The following TMTC3 variants were observed in gnomAD, a reference collection of about 807,000 sequenced individuals.
TMTC3 encodes transmembrane O-mannosyltransferase targeting cadherins 3.
Under a neutral mutation model 92.2 loss-of-function variants are expected in TMTC3, and 52 were observed. The observed-to-expected ratio is 0.56, with a 90% CI of 0.45 to 0.71. The LOEUF (loss-of-function observed/expected upper bound fraction) is 0.71, where lower values mean the gene tolerates loss of function less well. Among genes scored for constraint, TMTC3 ranks in the 30% least tolerant of loss-of-function variants. The pLI, the probability that TMTC3 is intolerant of heterozygous loss-of-function variation, is 0.00. For missense variants in TMTC3, 896 were observed against 1,057.1 expected (o/e 0.85, Z 2.11); for synonymous variants, 339 against 363.3 (o/e 0.93, Z 0.76).
chr12:88,190,707 A>G (rs2041433109), intron 12 of TMTC3, 85 bp downstream of exon 12: 1 of 1,388,916 alleles, frequency 7.2e-7, no homozygotes. Context: ...GTTTTTTTTG[A>G]AAAAAAATTA....
intron 2 of TMTC3, among the ~76,000 whole-genome samples, chr12:88,152,082 A>G (rs76239047): frequency 0.012 from 1,881 of 152,326 alleles, 51 homozygotes; most frequent in African/African-American, 0.043. Context: ...AAGAGCAAAG[A>G]AGCTGAATAT....
In TMTC3 at chr12:88,172,677, A is replaced by G. The variant is rs747120885; in HGVS notation, c.1131A>G (p.Val377=). 2 of 1,599,746 alleles carry G rather than the reference A, an allele frequency of 1.3e-6. No homozygotes were observed. Among genetic ancestry groups the G allele is most frequent in the Non-Finnish European group, 1.7e-6 (2 of 1,173,952 alleles). ...FPVGFVVAER[V]LYVPSMGFCI... ...TTGGATTTGTTGTTGCCGAGCGAGT[A>G]TTATATGTTCCCAGCATGGGGTTCT... The change falls in exon 8 of 14, where the codon GTA becomes GTG. Residue 377 remains valine (V), a synonymous_variant. Coordinates refer to ENST00000266712, the MANE Select transcript of TMTC3 (RefSeq NM_181783.4).
intron 3 of TMTC3, 57 bp downstream of exon 3, chr12:88,153,566 A>G (rs2040969858): frequency 1.0e-5 from 10 of 1,002,648 alleles, no homozygotes; most frequent in Admixed American, 6.8e-5. Flanking sequence ...AATCCTGCAC[A>G]GTGATTATAA....
chr12:88,173,137 CTG>C, intron 8 of TMTC3: 2 of 1,169,248 alleles, frequency 1.7e-6, no homozygotes, highest in Non-Finnish European at 2.2e-6. Context: ...AGTAAGCAAT[CTG>C]TAATTTCTTG....
At chr12:88,192,459 G>A (rs1311248900) in intron 12 of TMTC3, 145 bp from the exon 13 acceptor site, 1 of 587,390 alleles carries the variant, frequency 1.7e-6, no homozygotes, top group Non-Finnish European at 3.1e-6. Flanking sequence ...GTTTCAAAGA[G>A]TTGTTTTCGA....
At chr12:88,171,579 C>T (rs2041205380) in intron 7 of TMTC3, among the ~76,000 whole-genome samples, 1 of 152,106 alleles carries the variant, frequency 6.6e-6, no homozygotes, top group African/African-American at 2.4e-5. Flanking sequence ...ATATGTACCA[C>T]ATTTTTTTCA....
chr12:88,185,698 G>A (rs1435045813), intron 10 of TMTC3, among the ~76,000 whole-genome samples: 3 of 152,072 alleles, frequency 2.0e-5, no homozygotes, highest in South Asian at 4.1e-4. Flanking sequence ...CAGCAGTATA[G>A]GAGAGCTCTC....
rs780251215 is a variant in TMTC3, at chr12:88,195,564, CAA to C, written c.2663_2664del (p.Lys888ArgfsTer6). On this transcript the variant is annotated frameshift_variant, in exon 14 of 14. Coordinates refer to ENST00000266712, the MANE Select transcript of TMTC3 (RefSeq NM_181783.4). LOFTEE classifies it high-confidence loss of function. ...GACGAAGAGACACCCCACAAAACAA[CAA>C]AAGACATCAAAGAAATTGAGAAGAA... is the stretch of plus-strand genomic sequence containing the variant. 4 of 1,611,646 alleles carry C rather than the reference CAA, an allele frequency of 2.5e-6. No homozygotes were observed. In the African/African-American group the frequency reaches 5.4e-5, roughly 22 times the overall value.
At position 88,181,046 on chromosome 12, in the gene TMTC3, TC is replaced by T. The variant is rs1413817368; in HGVS notation, c.1432+4729del. Among the ~76,000 whole-genome samples, 5 of 152,332 alleles carry T rather than the reference TC, an allele frequency of 3.3e-5. No individual in the cohort carries two copies. The East Asian group carries it at 5.8e-4, about 18-fold the overall frequency. On this transcript the variant is annotated intron_variant, in intron 10 of 13. Transcript: ENST00000266712. ...AGTGGACACGTTCTACTATGGCCTG[TC>T]CTTGAGGTTATAAGGGATACCTGTG... is the stretch of plus-strand genomic sequence containing the variant.
intron 3 of TMTC3, among the ~76,000 whole-genome samples, chr12:88,153,917 G>A (rs754549966): frequency 6.6e-6 from 1 of 151,770 alleles, no homozygotes; most frequent in Admixed American, 6.6e-5. Context: ...TGTATATTAA[G>A]AACATTCGTA....
intron 6 of TMTC3, among the ~76,000 whole-genome samples, chr12:88,161,808 A>G (rs2041083054): frequency 6.6e-6 from 1 of 151,058 alleles, no homozygotes; most frequent in South Asian, 2.1e-4. Context: ...TATATATAAA[A>G]TAAAAATATC....
chr12:88,161,724 G>A (rs1006154561), intron 6 of TMTC3, among the ~76,000 whole-genome samples: 2 of 150,596 alleles, frequency 1.3e-5, no homozygotes, highest in African/African-American at 4.9e-5. Flanking sequence ...TGTTGTTTTA[G>A]TGTTGCTTTA....
Position 88,176,239 on chromosome 12 carries a change from A to G in TMTC3, c.1352A>G (p.Asn451Ser), listed in dbSNP as rs1429692081. The change falls in exon 10 of 14, where the codon AAT becomes AGT. Residue 451 changes from asparagine to serine, a missense_variant. Transcript: ENST00000266712. The part of the protein sequence containing the change: ...VNKNNAKLWN[N>S]VGHALENEKN... Reference sequence around the variant, plus strand: ...AAAAATAATGCCAAACTTTGGAATAATGTGGGTCATGCTCTGGAAAATGAA... The same window carrying G: ...AAAAATAATGCCAAACTTTGGAATAGTGTGGGTCATGCTCTGGAAAATGAA... The G allele has an allele frequency of 6.2e-7, 1 of 1,611,878 alleles. No individual in the cohort carries two copies. The highest frequency in any genetic ancestry group is 2.2e-5 in the East Asian group (1 of 44,702).
In TMTC3 at chr12:88,198,993, T is replaced by TAA. The variant is rs2041549296; in HGVS notation, c.*3345_*3346dup. 1 of 152,126 alleles carries TAA rather than the reference T, an allele frequency of 6.6e-6. No individual in the cohort carries two copies. Among genetic ancestry groups the TAA allele is most frequent in the African/African-American group, 2.4e-5 (1 of 41,460 alleles). The allele number at this position is 152,126 out of a possible 1,614,324, so 9.4% of individuals were successfully genotyped here. Reference sequence around the variant, plus strand: ...CTATGGTATCTGTGTACCATATTTCTAAGTATTCATTATTAAATTGGTACT... The same window carrying TAA: ...CTATGGTATCTGTGTACCATATTTCTAAAAGTATTCATTATTAAATTGGTACT... On this transcript the variant is annotated 3_prime_UTR_variant, in exon 14 of 14. Transcript: ENST00000266712.
At chr12:88,150,075 CT>C (rs1295873178) in intron 2 of TMTC3, among the ~76,000 whole-genome samples, 1 of 152,050 alleles carries the variant, frequency 6.6e-6, no homozygotes, top group East Asian at 1.9e-4. Flanking sequence ...GAAGAAATAC[CT>C]GAGACAGGGT....
At chr12:88,149,688 C>G (rs775243751) in intron 2 of TMTC3, among the ~76,000 whole-genome samples, 1 of 152,158 alleles carries the variant, frequency 6.6e-6, no homozygotes, top group Non-Finnish European at 1.5e-5. Flanking sequence ...TTTCCCCATT[C>G]CCCAAATTTG....
chr12:88,190,817 C>A (rs772690976), intron 12 of TMTC3, among the ~76,000 whole-genome samples, 195 bp downstream of exon 12: 8 of 152,020 alleles, frequency 5.3e-5, no homozygotes, highest in Non-Finnish European at 8.8e-5. Flanking sequence ...AAGGGGAATC[C>A]CTAACTTGTA....
intron 1 of TMTC3, among the ~76,000 whole-genome samples, chr12:88,143,928 C>T (rs948326186): frequency 2.0e-5 from 3 of 152,126 alleles, no homozygotes; most frequent in Admixed American, 1.3e-4. Context: ...GAGTGTTCCT[C>T]CCCTTTTTAG....
rs773881184 is a variant in TMTC3 at position 88,172,599 on chromosome 12, G to A, written c.1053G>A (p.Ala351=). Residue 351 remains alanine, a splice_region_variant and synonymous_variant, in exon 8 of 14, where the codon GCG becomes GCA. Transcript: ENST00000266712. ...SGDSSKTVLM[A]LCLMALPFIP... The stretch of plus-strand genomic sequence containing the variant: ...AAATCTTCTTTTTTTTTTTGTAGGC[G>A]CTTTGTTTAATGGCATTACCATTTA... The A allele has an allele frequency of 8.1e-6, 11 of 1,363,838 alleles. No individual in the cohort carries two copies. The South Asian group carries it at 9.4e-5, about 12-fold the overall frequency. 84.5% of individuals were successfully genotyped at this position (1,363,838 alleles called of 1,614,324 possible). A position where few individuals can be genotyped will look rare whatever the true frequency, so the allele number is the denominator to read the frequency against.
Sources: gnomAD v4.1 joint callset for allele counts (sites outside exome capture counted in the v4.1 genomes callset) on GRCh38, gnomAD v4.1.1 for gene constraint, MANE v1.5 for transcripts, NCBI Gene and HGNC (gene_info 2026-07-23, HGNC 2026-07-21) for gene names.